DACH1: variants seen among roughly 807,000 people sequenced by gnomAD.
DACH1 encodes dachshund family transcription factor 1.
Under a neutral mutation model 54.2 loss-of-function variants are expected in DACH1, and 12 were observed. The ratio of observed to expected loss-of-function variants is 0.22; its 90% CI spans 0.14 to 0.36. The LOEUF is 0.36. Among genes scored for constraint, DACH1 ranks in the 10% least tolerant of loss-of-function variants. The pLI is 1.00. For synonymous variants in DACH1, 386 were observed against 366.2 expected (o/e 1.05, Z -0.62); for missense variants, 805 against 929.8 (o/e 0.87, Z 1.75).
intron 8 of DACH1, 22 bp downstream of exon 8, chr13:71,479,147 T>C (rs1301664278): frequency 1.3e-6 from 2 of 1,585,232 alleles, no homozygotes; most frequent in Non-Finnish European, 8.6e-7. Context: ...AATATTTAAC[T>C]TATCTGGAAA....
chr13:71,621,202 C>T (rs551947167), intron 3 of DACH1, among the ~76,000 whole-genome samples: 1 of 152,070 alleles, frequency 6.6e-6, no homozygotes, highest in Non-Finnish European at 1.5e-5. Flanking sequence ...AAGTACACTA[C>T]ACTTTTTGGC....
intron 3 of DACH1, among the ~76,000 whole-genome samples, chr13:71,619,628 ATAAT>A (rs1160792685): frequency 1.3e-5 from 2 of 151,746 alleles, no homozygotes; most frequent in Admixed American, 6.6e-5. Flanking sequence ...CCAAAATAAA[ATAAT>A]TAAGAAAACA....
At chr13:71,740,073 A>G (rs532040051) in intron 1 of DACH1, among the ~76,000 whole-genome samples, 7 of 152,320 alleles carry the variant, frequency 4.6e-5, no homozygotes, top group African/African-American at 1.7e-4. Context: ...AAAGGTCAAG[A>G]ACTTTCCAAA....
intron 6 of DACH1, among the ~76,000 whole-genome samples, chr13:71,506,729 C>T (rs1026290443): frequency 6.6e-6 from 1 of 152,076 alleles, no homozygotes; most frequent in Non-Finnish European, 1.5e-5. Context: ...TGGAACAGAA[C>T]AGAGCCCTCA....
chr13:71,466,497 T>C (rs1047339953), intron 10 of DACH1, among the ~76,000 whole-genome samples: 1 of 152,154 alleles, frequency 6.6e-6, no homozygotes, highest in Non-Finnish European at 1.5e-5. Flanking sequence ...AAGTAATTTA[T>C]CTCCCGAACT....
chr13:71,664,106 C>T (rs538245567), intron 2 of DACH1, among the ~76,000 whole-genome samples: 52 of 151,840 alleles, frequency 3.4e-4, no homozygotes, highest in Non-Finnish European at 6.9e-4. Flanking sequence ...TGTAGTGAGG[C>T]CAAAGGTGTA....
intron 1 of DACH1, among the ~76,000 whole-genome samples, chr13:71,839,029 T>A (rs1594285325): frequency 6.6e-6 from 1 of 152,218 alleles, no homozygotes; most frequent in Non-Finnish European, 1.5e-5. Context: ...TAAAGGTATT[T>A]CTTCGAGTCA....
chr13:71,449,836 G>T (rs537781707), intron 10 of DACH1, among the ~76,000 whole-genome samples: 1 of 148,558 alleles, frequency 6.7e-6, no homozygotes, highest in African/African-American at 2.5e-5. Context: ...GAAAGTACAT[G>T]AGAGAACACA....
chr13:71,690,451 C>G (rs17088403), intron 1 of DACH1, among the ~76,000 whole-genome samples: 1 of 151,962 alleles, frequency 6.6e-6, no homozygotes, highest in Non-Finnish European at 1.5e-5. Context: ...ACCCACAACA[C>G]CTCTCTTTTA....
At position 71,817,169 on chromosome 13, in the gene DACH1, T is replaced by C. The variant is rs577336323; in HGVS notation, c.848+48753A>G. ...AGACATATAAAGGAGAAAGGAAATA[T>C]ATAATGTTAGAACTGGAAATGACAT... On this transcript the variant is annotated intron_variant, in intron 1 of 10. Transcript: ENST00000613252. 3.9e-5 allele frequency among the ~76,000 whole-genome samples: 6 copies of C among 152,284 alleles called. No homozygotes were observed. The East Asian group carries it at 1.2e-3, about 29-fold the overall frequency.
At chr13:71,813,118 A>T (rs1887782552) in intron 1 of DACH1, among the ~76,000 whole-genome samples, 1 of 152,232 alleles carries the variant, frequency 6.6e-6, no homozygotes, top group Non-Finnish European at 1.5e-5. Flanking sequence ...TCATTGAAAA[A>T]TATTAACTGA....
intron 10 of DACH1, among the ~76,000 whole-genome samples, chr13:71,447,790 G>A (rs1310324273): frequency 5.4e-5 from 8 of 147,236 alleles, no homozygotes; most frequent in Admixed American, 2.1e-4. Flanking sequence ...CCAAGATTGC[G>A]CCACCACACT....
rs139536040 is a variant in DACH1 at position 71,622,449 on chromosome 13, C to T, written c.1126+8107G>A. Among the ~76,000 whole-genome samples the T allele has an allele frequency of 2.0e-5, 3 of 151,974 alleles. No homozygotes were observed. The East Asian group carries it at 5.8e-4, about 29-fold the overall frequency. ...TTAAATATTTATTTTAATCCCTCAT[C>T]ATCAATCATATGAAATTCAAATATA... On this transcript the variant is annotated intron_variant, in intron 3 of 10. Coordinates refer to ENST00000613252, the MANE Select transcript of DACH1 (RefSeq NM_080759.6).
chr13:71,698,151 A>C (rs1881926939), intron 1 of DACH1, among the ~76,000 whole-genome samples: 1 of 152,158 alleles, frequency 6.6e-6, no homozygotes, highest in South Asian at 2.1e-4. Context: ...GCGCCACTGC[A>C]CTCCAGCCTG....
At chr13:71,633,971 C>CTT (rs5804582) in intron 2 of DACH1, among the ~76,000 whole-genome samples, 1 of 142,376 alleles carries the variant, frequency 7.0e-6, no homozygotes, top group Non-Finnish European at 1.5e-5. Context: ...TTTTTTCTTC[C>CTT]TTTTTTTTTT....
At chr13:71,807,067 C>T (rs1887532433) in intron 1 of DACH1, among the ~76,000 whole-genome samples, 1 of 152,060 alleles carries the variant, frequency 6.6e-6, no homozygotes, top group Non-Finnish European at 1.5e-5. Flanking sequence ...GAAGAAAAGC[C>T]CAAGAGAGGA....
chr13:71,555,000 T>C (rs977330645), intron 6 of DACH1, among the ~76,000 whole-genome samples: 2 of 152,202 alleles, frequency 1.3e-5, no homozygotes, highest in African/African-American at 4.8e-5. Flanking sequence ...TCATTCCTTT[T>C]GTATTTTTCT....
intron 1 of DACH1, among the ~76,000 whole-genome samples, chr13:71,756,655 A>C (rs1184139259): frequency 1.3e-5 from 2 of 152,210 alleles, no homozygotes; most frequent in Non-Finnish European, 2.9e-5. Flanking sequence ...ATGAACTCAC[A>C]GTCTAATGAG....
intron 10 of DACH1, among the ~76,000 whole-genome samples, chr13:71,454,184 T>C (rs931999525): frequency 6.6e-6 from 1 of 152,190 alleles, no homozygotes; most frequent in East Asian, 1.9e-4. Context: ...ACAGGGATGA[T>C]GTTACTTTCA....
Sources: allele counts gnomAD v4.1 joint callset (sites outside exome capture counted in the v4.1 genomes callset), GRCh38; gene constraint gnomAD v4.1.1; transcripts MANE v1.5; gene names NCBI Gene and HGNC (gene_info 2026-07-23, HGNC 2026-07-21).